PCDH15: variants seen among roughly 807,000 people sequenced by gnomAD.
PCDH15 encodes the protein protocadherin related 15.
PCDH15 carries 129 observed loss-of-function variants against 178.5 expected under a neutral mutation model. The observed-to-expected ratio is 0.72, with a 90% CI of 0.63 to 0.84. The LOEUF (loss-of-function observed/expected upper bound fraction) is 0.84, where lower values mean the gene tolerates loss of function less well. Among genes scored for constraint, PCDH15 ranks in the 40% least tolerant of loss-of-function variants. The probability of loss-of-function intolerance (pLI) is 0.00; values close to 1 mark genes in which losing one functional copy is unlikely to be tolerated. For synonymous variants in PCDH15, 800 were observed against 732.0 expected (o/e 1.09, Z -1.50); for missense variants, 2,230 against 2,099.9 (o/e 1.06, Z -1.21).
chr10:54,389,165 C>CA (rs57032988), intron 3 of PCDH15, among the ~76,000 whole-genome samples: 5 of 151,582 alleles, frequency 3.3e-5, no homozygotes, highest in Non-Finnish European at 7.4e-5. Flanking sequence ...CAAAACAAAA[C>CA]AAAAAAAAAC....
chr10:55,327,493 C>G (rs1398584839), intron 2 of PCDH15, among the ~76,000 whole-genome samples: 2 of 151,988 alleles, frequency 1.3e-5, no homozygotes, highest in African/African-American at 4.8e-5. Flanking sequence ...GCAAGTTTAA[C>G]ATACAACAGA....
At chr10:54,574,460 G>T (rs1418765432) in intron 2 of PCDH15, among the ~76,000 whole-genome samples, 3 of 152,050 alleles carry the variant, frequency 2.0e-5, no homozygotes, top group African/African-American at 7.2e-5. Flanking sequence ...CAGGTAGTGT[G>T]ATGCCTCCAG....
chr10:55,091,604 T>C (rs1842319403), intron 2 of PCDH15, among the ~76,000 whole-genome samples: 3 of 151,946 alleles, frequency 2.0e-5, no homozygotes, highest in Admixed American at 2.0e-4. Flanking sequence ...TGTTGAAATG[T>C]TTATTTTCCT....
rs150600502 is a variant in PCDH15 at position 54,914,364 on chromosome 10, C to A, written c.-79-16864G>T. ...GTGATGTAGAATGTGTCAGTTTCCC[C>A]TTCACCTTCTGCAATGATTGTAAGT... On this transcript the variant is annotated intron_variant, in intron 2 of 5. Coordinates refer to the PCDH15 transcript ENST00000458638. 6.0e-3 allele frequency among the ~76,000 whole-genome samples: 917 copies of A among 152,202 alleles called. 9 individuals carry two copies. The highest frequency in any genetic ancestry group is 0.02 in the African/African-American group (830 of 41,526).
intron 2 of PCDH15, among the ~76,000 whole-genome samples, chr10:54,917,569 T>C (rs1837373787): frequency 6.6e-6 from 1 of 152,164 alleles, no homozygotes; most frequent in Admixed American, 6.6e-5. Flanking sequence ...CTTAAGCCCA[T>C]ATAGAGCATA....
intron 8 of PCDH15, among the ~76,000 whole-genome samples, chr10:54,254,962 C>T (rs1804206073): frequency 1.3e-5 from 2 of 152,150 alleles, no homozygotes; most frequent in Admixed American, 6.5e-5. Flanking sequence ...ATGTCTTCCA[C>T]ATAGGATGTA....
At chr10:54,801,667 A>G (rs1455847291), upstream of PCDH15, among the ~76,000 whole-genome samples, 1 of 152,104 alleles carries the variant, frequency 6.6e-6, no homozygotes, top group Non-Finnish European at 1.5e-5. Context: ...ACCCTCTTAT[A>G]TGAAGCCCTC....
chr10:54,325,749 C>T (rs1477688227), intron 7 of PCDH15, among the ~76,000 whole-genome samples: 1 of 151,634 alleles, frequency 6.6e-6, no homozygotes, highest in African/African-American at 2.4e-5. Context: ...ACTCTCCTCC[C>T]CTCCCAAAAA....
In PCDH15 at chr10:54,970,198, G is replaced by A. The variant is rs145881335; in HGVS notation, c.-79-72698C>T. Reference sequence around the variant, plus strand: ...CTGAACCTGCTAGTACCTTTATCTTGGATGTTCAGCCTCCAGAATTGTGAA... The same window carrying A: ...CTGAACCTGCTAGTACCTTTATCTTAGATGTTCAGCCTCCAGAATTGTGAA... On this transcript the variant is annotated intron_variant, in intron 2 of 5. Transcript: ENST00000458638. Among the ~76,000 whole-genome samples the A allele has an allele frequency of 7.7e-4, 117 of 152,110 alleles. 2 individuals are homozygous for A. Among genetic ancestry groups the A allele is most frequent in the Middle Eastern group, 3.4e-3 (1 of 294 alleles).
chr10:54,697,534 T>TATATATATATATATATATATATATAC (rs1256170283), intron 1 of PCDH15, among the ~76,000 whole-genome samples: 4 of 150,726 alleles, frequency 2.7e-5, no homozygotes, highest in African/African-American at 9.8e-5. Flanking sequence ...TATATATATA[T>TATATATATATATATATATATATATAC]ACCTCTTTAC....
At chr10:55,103,680 G>A (rs771795044) in intron 2 of PCDH15, among the ~76,000 whole-genome samples, 1 of 151,988 alleles carries the variant, frequency 6.6e-6, no homozygotes, top group Non-Finnish European at 1.5e-5. Flanking sequence ...CTTCCATAGT[G>A]CTGTCAGTTC....
chr10:54,621,806 A>G (rs988769187), intron 2 of PCDH15, among the ~76,000 whole-genome samples: 11 of 152,048 alleles, frequency 7.2e-5, no homozygotes, highest in Non-Finnish European at 1.5e-5. Context: ...GTGGGCAGGA[A>G]GAAAGAGAAG....
At chr10:55,286,355 T>A (rs986571805) in intron 1 of PCDH15, among the ~76,000 whole-genome samples, 2 of 151,966 alleles carry the variant, frequency 1.3e-5, no homozygotes, top group Non-Finnish European at 2.9e-5. Context: ...ATATGAGAAA[T>A]TTTTAAAACT....
At chr10:54,193,208 T>A (rs1321392075) in intron 11 of PCDH15, among the ~76,000 whole-genome samples, 1 of 152,170 alleles carries the variant, frequency 6.6e-6, no homozygotes, top group African/African-American at 2.4e-5. Flanking sequence ...TTTACAAAGT[T>A]CCTTGGAACA....
chr10:55,374,740 C>G (rs1436197888), intron 2 of PCDH15, among the ~76,000 whole-genome samples: 1 of 151,918 alleles, frequency 6.6e-6, no homozygotes, highest in Non-Finnish European at 1.5e-5. Flanking sequence ...TTTTATTTAT[C>G]AACTTATTTT....
At chr10:55,229,783 T>C (rs1592005282) in intron 1 of PCDH15, among the ~76,000 whole-genome samples, 1 of 152,072 alleles carries the variant, frequency 6.6e-6, no homozygotes, top group African/African-American at 2.4e-5. Context: ...TTTGGAGTAG[T>C]AGACAGCAGA....
chr10:55,086,501 G>A (rs1842171427), intron 2 of PCDH15, among the ~76,000 whole-genome samples: 1 of 151,998 alleles, frequency 6.6e-6, no homozygotes. Flanking sequence ...ATAAGCGTTA[G>A]CCTATGCCCC....
intron 8 of PCDH15, among the ~76,000 whole-genome samples, chr10:54,301,957 A>G (rs1191281381): frequency 5.3e-5 from 8 of 152,316 alleles, no homozygotes; most frequent in Admixed American, 3.9e-4. Flanking sequence ...AGTGGTGGTT[A>G]TAGTGACTAC....
At chr10:55,464,427 A>G (rs1411058715) in intron 2 of PCDH15, among the ~76,000 whole-genome samples, 1 of 152,056 alleles carries the variant, frequency 6.6e-6, no homozygotes, top group East Asian at 1.9e-4. Context: ...AAAAAAAAGA[A>G]GATAGGTTCC....
Sources: allele counts gnomAD v4.1 joint callset (sites outside exome capture counted in the v4.1 genomes callset), GRCh38; gene constraint gnomAD v4.1.1; transcripts MANE v1.5; gene names NCBI Gene and HGNC (gene_info 2026-07-23, HGNC 2026-07-21).